COX10: variants seen among roughly 807,000 people sequenced by gnomAD.
The protein encoded by COX10 is cytochrome c oxidase assembly factor heme A:farnesyltransferase COX10.
COX10 carries 27 observed loss-of-function variants against 37.3 expected under a neutral mutation model. The ratio of observed to expected loss-of-function variants is 0.72; its 90% CI spans 0.53 to 1.00. The LOEUF is 1.00. Among genes scored for constraint, COX10 ranks in the 50% least tolerant of loss-of-function variants. The pLI, the probability that COX10 is intolerant of heterozygous loss-of-function variation, is 0.00. For missense variants in COX10, 475 were observed against 563.2 expected (o/e 0.84, Z 1.59); for synonymous variants, 222 against 229.1 (o/e 0.97, Z 0.28).
chr17:14,194,489 C>T (rs1303599701), intron 6 of COX10, among the ~76,000 whole-genome samples: 3 of 152,172 alleles, frequency 2.0e-5, no homozygotes, highest in African/African-American at 4.8e-5. Flanking sequence ...TGCAGTGGTG[C>T]GATCTCGGCT....
intron 3 of COX10, among the ~76,000 whole-genome samples, chr17:14,084,638 T>A (rs937785108): frequency 6.6e-6 from 1 of 152,174 alleles, no homozygotes; most frequent in African/African-American, 2.4e-5. Flanking sequence ...ATACAGAAAG[T>A]CCCTTCAGGC....
chr17:14,178,653 C>G (rs1204429845), intron 5 of COX10, among the ~76,000 whole-genome samples: 1 of 151,822 alleles, frequency 6.6e-6, no homozygotes, highest in Non-Finnish European at 1.5e-5. Flanking sequence ...TCCAGCCTCA[C>G]CATTCATCTC....
intron 3 of COX10, among the ~76,000 whole-genome samples, chr17:14,096,233 T>C (rs2142195999): frequency 1.3e-5 from 2 of 152,286 alleles, no homozygotes; most frequent in Admixed American, 1.3e-4. Context: ...TCACCTCTTA[T>C]AGGCCCAACT....
chr17:14,177,292 T>C, intron 5 of COX10: 3 of 709,846 alleles, frequency 4.2e-6, no homozygotes, highest in Non-Finnish European at 2.6e-6. Context: ...TGTTTAGTTC[T>C]AGTCTGGGAG....
At chr17:14,078,595 A>G (rs1048966207) in intron 3 of COX10, among the ~76,000 whole-genome samples, 3 of 152,102 alleles carry the variant, frequency 2.0e-5, no homozygotes, top group Admixed American at 6.5e-5. Flanking sequence ...TGAAGCTGCC[A>G]TCCTAGTTTA....
At chr17:14,189,184 G>A (rs151215135) in intron 5 of COX10, among the ~76,000 whole-genome samples, 3,080 of 149,908 alleles carry the variant, frequency 0.021, 98 homozygotes, top group African/African-American at 0.072. Context: ...GAGTACAATG[G>A]TTTTGGCACC....
intron 4 of COX10, among the ~76,000 whole-genome samples, chr17:14,124,743 C>G (rs1316656554): frequency 6.6e-6 from 1 of 152,104 alleles, no homozygotes. Context: ...TTTCCTCTTT[C>G]ATTTCTTTAT....
At chr17:14,202,374 G>A (rs1165866068) in intron 6 of COX10, among the ~76,000 whole-genome samples, 6 of 151,952 alleles carry the variant, frequency 3.9e-5, no homozygotes, top group Admixed American at 2.0e-4. Flanking sequence ...ATAGGCACGT[G>A]GCACCTTGCC....
intron 4 of COX10, among the ~76,000 whole-genome samples, chr17:14,149,016 ATATT>A (rs1364133130): frequency 6.7e-6 from 1 of 148,440 alleles, no homozygotes; most frequent in Non-Finnish European, 1.5e-5. Flanking sequence ...ATATAACAAT[ATATT>A]TATAATATAT....
rs72816687 is a variant in COX10, at chr17:14,202,094, T to C, written c.929-4716T>C. ...TTGTCATTAAAACAGATCTCTCTCT[T>C]TTTTTTTTTTTAAGGTACTAGAAAA... On this transcript the variant is annotated intron_variant, in intron 6 of 6. Transcript: ENST00000261643. 7.9e-3 allele frequency among the ~76,000 whole-genome samples: 292 copies of C among 36,730 alleles called. 1 individual carries two copies. Among genetic ancestry groups the C allele is most frequent in the African/African-American group, 0.019 (269 of 14,500 alleles). 24.1% of individuals were successfully genotyped at this position (36,730 alleles called of 152,430 possible). A position where few individuals can be genotyped will look rare whatever the true frequency, so the allele number is the denominator to read the frequency against.
intron 1 of COX10, among the ~76,000 whole-genome samples, chr17:14,073,327 T>G (rs753865516): frequency 1.3e-5 from 2 of 152,168 alleles, no homozygotes; most frequent in South Asian, 4.1e-4. Flanking sequence ...TTGATGATTG[T>G]TAATTGATAA....
intron 3 of COX10, among the ~76,000 whole-genome samples, chr17:14,087,976 C>T (rs112697917): frequency 2.6e-5 from 4 of 152,220 alleles, no homozygotes; most frequent in African/African-American, 9.6e-5. Context: ...GCACGACCCT[C>T]TACCCCTTTC....
intron 4 of COX10, among the ~76,000 whole-genome samples, chr17:14,148,416 G>A (rs1402231637): frequency 6.6e-6 from 1 of 152,142 alleles, no homozygotes; most frequent in African/African-American, 2.4e-5. Context: ...GCCTCTCCCT[G>A]TGCTTTATTT....
intron 4 of COX10, among the ~76,000 whole-genome samples, chr17:14,151,867 A>G (rs1384737211): frequency 6.6e-6 from 1 of 152,240 alleles, no homozygotes; most frequent in Admixed American, 6.5e-5. Flanking sequence ...AACACATTAT[A>G]TAAATTATAC....
At chr17:14,077,868 G>A (rs989584187) in intron 3 of COX10, among the ~76,000 whole-genome samples, 22 of 151,604 alleles carry the variant, frequency 1.5e-4, no homozygotes, top group African/African-American at 4.8e-4. Flanking sequence ...AGAGTCAGAT[G>A]AAAAGATGAG....
chr17:14,114,563 T>G (rs1916070645), intron 4 of COX10, among the ~76,000 whole-genome samples: 2 of 152,080 alleles, frequency 1.3e-5, no homozygotes, highest in Admixed American at 6.6e-5. Flanking sequence ...CCATTGATGT[T>G]TTACTACAAA....
chr17:14,147,235 T>C (rs2142230278), intron 4 of COX10, among the ~76,000 whole-genome samples: 1 of 152,280 alleles, frequency 6.6e-6, no homozygotes, highest in African/African-American at 2.4e-5. Context: ...AGTCAAGATT[T>C]GGAAGCAAAC....
At chr17:14,203,910 G>A (rs1282491459) in intron 6 of COX10, among the ~76,000 whole-genome samples, 1 of 152,108 alleles carries the variant, frequency 6.6e-6, no homozygotes, top group Non-Finnish European at 1.5e-5. Flanking sequence ...CAGGGCAGAT[G>A]ACACAGAGGG....
chr17:14,158,949 C>T (rs1484685504), intron 4 of COX10, among the ~76,000 whole-genome samples: 1 of 152,088 alleles, frequency 6.6e-6, no homozygotes, highest in Non-Finnish European at 1.5e-5. Flanking sequence ...AAAAAGGAGA[C>T]AAGTAAGAGA....
Sources: gnomAD v4.1 joint callset for allele counts (sites outside exome capture counted in the v4.1 genomes callset) on GRCh38, gnomAD v4.1.1 for gene constraint, MANE v1.5 for transcripts, NCBI Gene and HGNC (gene_info 2026-07-23, HGNC 2026-07-21) for gene names.